SUGCT: variants seen among roughly 807,000 people sequenced by gnomAD.
SUGCT encodes succinyl-CoA:glutarate-CoA transferase, also known as succinyl-CoA:glutarate CoA-transferase.
In SUGCT, 41 loss-of-function variants were observed where a neutral mutation model predicts 55.0. That is an observed-to-expected ratio of 0.74 (90% CI 0.58 to 0.97). The LOEUF (loss-of-function observed/expected upper bound fraction) is 0.97, where lower values mean the gene tolerates loss of function less well. Ranked by LOEUF, SUGCT falls within the 50% of genes least tolerant of loss-of-function variation. The pLI, the probability that SUGCT is intolerant of heterozygous loss-of-function variation, is 0.00. For missense variants in SUGCT, 568 were observed against 547.8 expected, an observed-to-expected ratio of 1.04 and a Z score of -0.37; for synonymous variants, 187 against 200.4, an observed-to-expected ratio of 0.93 and a Z score of 0.56.
chr7:40,575,752 C>G (rs1234126347), intron 12 of SUGCT, among the ~76,000 whole-genome samples: 1 of 151,680 alleles, frequency 6.6e-6, no homozygotes, highest in Non-Finnish European at 1.5e-5. Context: ...TCGAGACCAG[C>G]CTGGCCAACA....
In SUGCT at chr7:40,487,078, CTTTTTTTTT is replaced by C. The variant is rs745766266; in HGVS notation, c.987-9191_987-9183del. On this transcript the variant is annotated intron_variant, in intron 11 of 13. Coordinates refer to ENST00000335693, the MANE Select transcript of SUGCT (RefSeq NM_001193313.2). ...AAAAGATAGTTCATATGATTTCAAT[CTTTTTTTTT>C]TTTTTTTTTTTTTTGACACAGAGTT... is the stretch of plus-strand genomic sequence containing the variant. 3.1e-3 allele frequency among the ~76,000 whole-genome samples: 291 copies of C among 93,908 alleles called. 3 individuals carry two copies. The highest frequency in any genetic ancestry group is 0.013 in the African/African-American group (281 of 20,944). 61.6% of individuals were successfully genotyped at this position (93,908 alleles called of 152,430 possible). A position where few individuals can be genotyped will look rare whatever the true frequency, so the allele number is the denominator to read the frequency against.
intron 12 of SUGCT, among the ~76,000 whole-genome samples, chr7:40,658,799 A>G (rs1801156577): frequency 6.6e-6 from 1 of 152,152 alleles, no homozygotes; most frequent in Non-Finnish European, 1.5e-5. Context: ...AGGGTGGGGT[A>G]GCCTCATGCC....
intron 6 of SUGCT, among the ~76,000 whole-genome samples, chr7:40,229,321 C>T (rs1252877468): frequency 6.6e-6 from 1 of 152,126 alleles, no homozygotes; most frequent in African/African-American, 2.4e-5. Flanking sequence ...GAATTCAAGA[C>T]CAGCCTGGCC....
At chr7:40,302,100 G>A (rs546289212) in intron 8 of SUGCT, among the ~76,000 whole-genome samples, 1 of 152,126 alleles carries the variant, frequency 6.6e-6, no homozygotes, top group South Asian at 2.1e-4. Flanking sequence ...TATGTTATTA[G>A]TATTTGAGGT....
chr7:40,284,951 C>G (rs1174381087), intron 8 of SUGCT, among the ~76,000 whole-genome samples: 1 of 152,092 alleles, frequency 6.6e-6, no homozygotes, highest in Non-Finnish European at 1.5e-5. Context: ...GGAACATGCT[C>G]TGGTTCTGTA....
chr7:40,225,809 T>C (rs78076265), intron 6 of SUGCT, among the ~76,000 whole-genome samples: 2,655 of 152,290 alleles, frequency 0.017, 73 homozygotes, highest in African/African-American at 0.062. Context: ...GTTTACAGTT[T>C]AGTAATTATA....
chr7:40,946,036 TTAA>T, the SUGCT span, among the ~76,000 whole-genome samples: 1 of 152,072 alleles, frequency 6.6e-6, no homozygotes, highest in Non-Finnish European at 1.5e-5. Context: ...TAGTGATTCA[TTAA>T]TAGACTCAGA....
At chr7:40,380,793 C>T (rs1048849951) in intron 9 of SUGCT, among the ~76,000 whole-genome samples, 1 of 152,148 alleles carries the variant, frequency 6.6e-6, no homozygotes, top group African/African-American at 2.4e-5. Flanking sequence ...AATTTGATTG[C>T]TGCCTGTATA....
At chr7:40,539,497 A>G (rs966410669) in intron 12 of SUGCT, 4 of 152,232 alleles carry the variant, frequency 2.6e-5, no homozygotes, top group Non-Finnish European at 5.9e-5. Context: ...AGCAGCAAGC[A>G]AAAAGAAGGC....
chr7:40,604,629 A>G (rs1798440016), intron 12 of SUGCT, among the ~76,000 whole-genome samples: 1 of 152,178 alleles, frequency 6.6e-6, no homozygotes, highest in Admixed American at 6.5e-5. Context: ...ACAGGGGCCT[A>G]TTGAAAACCC....
intron 9 of SUGCT, among the ~76,000 whole-genome samples, chr7:40,399,751 A>G (rs1349084225): frequency 6.6e-6 from 1 of 152,228 alleles, no homozygotes; most frequent in Non-Finnish European, 1.5e-5. Flanking sequence ...GCTTCATTGC[A>G]CTGGCTAGTA....
chr7:40,199,524 A>G (rs1344831056), intron 6 of SUGCT, among the ~76,000 whole-genome samples: 1 of 152,204 alleles, frequency 6.6e-6, no homozygotes, highest in Non-Finnish European at 1.5e-5. Flanking sequence ...TGACCACTCT[A>G]TATTTCTCTA....
chr7:40,726,275 A>G (rs563241001), intron 12 of SUGCT, among the ~76,000 whole-genome samples: 1 of 152,238 alleles, frequency 6.6e-6, no homozygotes, highest in African/African-American at 2.4e-5. Flanking sequence ...TATGTATTAT[A>G]TACTGTATTC....
At chr7:40,635,822 A>G (rs1799997846) in intron 12 of SUGCT, among the ~76,000 whole-genome samples, 1 of 152,236 alleles carries the variant, frequency 6.6e-6, no homozygotes, top group Non-Finnish European at 1.5e-5. Context: ...CATTGTGCAG[A>G]TACCCAGGTA....
At chr7:40,772,977 T>G (rs920466734) in intron 13 of SUGCT, among the ~76,000 whole-genome samples, 1 of 152,242 alleles carries the variant, frequency 6.6e-6, no homozygotes, top group East Asian at 1.9e-4. Flanking sequence ...ATAAAACAAC[T>G]TCCTCACTTT....
chr7:40,361,829 G>GT (rs1161504201), intron 9 of SUGCT, among the ~76,000 whole-genome samples: 17 of 150,720 alleles, frequency 1.1e-4, no homozygotes, highest in South Asian at 2.1e-4. Flanking sequence ...AGCAGTCATG[G>GT]TTTTTTTTTC....
chr7:40,917,686 G>C, the SUGCT span, among the ~76,000 whole-genome samples: 1 of 152,172 alleles, frequency 6.6e-6, no homozygotes, highest in Non-Finnish European at 1.5e-5. Flanking sequence ...CAGTATTGGA[G>C]ACTGAGACAT....
chr7:40,982,950 A>G, the SUGCT span, among the ~76,000 whole-genome samples: 1 of 152,158 alleles, frequency 6.6e-6, no homozygotes, highest in Admixed American at 6.6e-5. Context: ...TGTCTGGCCT[A>G]GTAGCACCTG....
At chr7:40,284,608 CAAAAAA>C (rs35152488) in intron 8 of SUGCT, among the ~76,000 whole-genome samples, 15 of 108,194 alleles carry the variant, frequency 1.4e-4, no homozygotes, top group African/African-American at 5.0e-4. Flanking sequence ...ATTCCATTTC[CAAAAAA>C]AAAAAAAAAA....
Sources: allele counts gnomAD v4.1 joint callset (sites outside exome capture counted in the v4.1 genomes callset), GRCh38; gene constraint gnomAD v4.1.1; transcripts MANE v1.5; gene names NCBI Gene and HGNC (gene_info 2026-07-23, HGNC 2026-07-21).